The following TNIP3 variants were observed in gnomAD, a reference collection of about 807,000 sequenced individuals.
TNIP3 encodes the protein TNFAIP3 interacting protein 3, also known as TNFAIP3-interacting protein 3.
In TNIP3, 34 loss-of-function variants were observed where a neutral mutation model predicts 54.1. The ratio of observed to expected loss-of-function variants is 0.63; its 90% confidence interval spans 0.48 to 0.84. TNIP3 has a LOEUF of 0.84. Ranked by LOEUF, TNIP3 falls within the 40% of genes least tolerant of loss-of-function variation. The pLI, the probability that TNIP3 is intolerant of heterozygous loss-of-function variation, is 0.00. For missense variants in TNIP3, 366 were observed against 387.6 expected (o/e 0.94, Z 0.47); for synonymous variants, 134 against 136.8 (o/e 0.98, Z 0.14).
intron 3 of TNIP3, among the ~76,000 whole-genome samples, chr4:121,179,597 A>G (rs931209136): frequency 1.3e-5 from 2 of 152,220 alleles, no homozygotes; most frequent in African/African-American, 4.8e-5. Flanking sequence ...CTATGTTGAT[A>G]GAATGAAGAA....
upstream of TNIP3, among the ~76,000 whole-genome samples, chr4:121,220,144 A>G (rs1240474137): frequency 6.6e-6 from 1 of 152,214 alleles, no homozygotes; most frequent in Non-Finnish European, 1.5e-5. Context: ...TTTAGAAATG[A>G]CATTATACCA....
At chr4:121,167,660 A>G (rs1400289933), upstream of TNIP3, among the ~76,000 whole-genome samples, 3 of 152,242 alleles carry the variant, frequency 2.0e-5, no homozygotes, top group Admixed American at 2.0e-4. Flanking sequence ...ACCTTTGGGC[A>G]AAGGAATTAC....
At chr4:121,161,340 T>G in intron 1 of TNIP3, 124 bp from the exon 2 acceptor site, 1 of 748,468 alleles carries the variant, frequency 1.3e-6, no homozygotes, top group Non-Finnish European at 2.1e-6. Flanking sequence ...AATACCTGAT[T>G]CTAGCAGTAA....
chr4:121,201,203 A>G (rs1290420935), intron 2 of TNIP3, among the ~76,000 whole-genome samples: 1 of 152,190 alleles, frequency 6.6e-6, no homozygotes, highest in East Asian at 1.9e-4. Context: ...CAAATGTTCC[A>G]TGAAAGGGGA....
At chr4:121,165,341 C>T (rs1378258563), upstream of TNIP3, among the ~76,000 whole-genome samples, 1 of 151,960 alleles carries the variant, frequency 6.6e-6, no homozygotes, top group Non-Finnish European at 1.5e-5. Context: ...TTCTACGCCC[C>T]TGAGCTCTGT....
intron 2 of TNIP3, among the ~76,000 whole-genome samples, chr4:121,159,259 A>G (rs894096313): frequency 2.0e-5 from 3 of 152,200 alleles, no homozygotes; most frequent in Admixed American, 2.0e-4. Context: ...AGAAAAGAAA[A>G]AAAAGAAAAG....
intron 3 of TNIP3, among the ~76,000 whole-genome samples, chr4:121,174,352 C>CCATG (rs1332742002): frequency 1.3e-5 from 2 of 151,982 alleles, no homozygotes; most frequent in East Asian, 3.9e-4. Context: ...TTATAGTGAG[C>CCATG]CATGATTGCA....
intron 2 of TNIP3, among the ~76,000 whole-genome samples, chr4:121,201,251 G>A (rs1387563654): frequency 1.3e-5 from 2 of 152,074 alleles, no homozygotes; most frequent in African/African-American, 4.8e-5. Context: ...TTTAGTGCTT[G>A]GAAGGACCAC....
At chr4:121,154,786 C>A (rs1378970478) in intron 4 of TNIP3, 107 bp from the exon 5 acceptor site, 12 of 1,056,854 alleles carry the variant, frequency 1.1e-5, no homozygotes, top group Non-Finnish European at 1.6e-5. Flanking sequence ...GAGGGGTCAC[C>A]CTTCTGAAAT....
chr4:121,216,726 G>A (rs527804483), upstream of TNIP3: 3 of 946,856 alleles, frequency 3.2e-6, no homozygotes, highest in South Asian at 5.7e-5. Flanking sequence ...GTAAACACAG[G>A]CTCAGTGAGT....
At chr4:121,216,380 T>C (rs1195237975) in intron 2 of TNIP3, 4 of 1,487,216 alleles carry the variant, frequency 2.7e-6, no homozygotes, top group Non-Finnish European at 3.6e-6. Flanking sequence ...ATATTAGTAT[T>C]AGAAGCATAT....
chr4:121,222,674 C>T (rs1404956691), intron 1 of TNIP3, among the ~76,000 whole-genome samples: 2 of 152,128 alleles, frequency 1.3e-5, no homozygotes, highest in Non-Finnish European at 2.9e-5. Context: ...ATCTTCAAAA[C>T]TCACTGGAAA....
intron 1 of TNIP3, among the ~76,000 whole-genome samples, chr4:121,163,470 A>G (rs1730581163): frequency 6.6e-6 from 1 of 152,172 alleles, no homozygotes; most frequent in Admixed American, 6.5e-5. Context: ...ATTATTCCCT[A>G]TAAAGTAGAA....
chr4:121,176,864 A>T (rs1724389565), intron 3 of TNIP3, among the ~76,000 whole-genome samples: 1 of 152,218 alleles, frequency 6.6e-6, no homozygotes, highest in Non-Finnish European at 1.5e-5. Context: ...CCTTGGGAAG[A>T]GTGTCCAGGT....
chr4:121,180,709 T>C (rs1440957619), intron 3 of TNIP3, among the ~76,000 whole-genome samples: 2 of 152,116 alleles, frequency 1.3e-5, no homozygotes, highest in Non-Finnish European at 2.9e-5. Flanking sequence ...ATGGAGAGAT[T>C]AGAGATACAG....
rs35684713 is a variant in TNIP3, at chr4:121,132,755, C to CAA, written c.947-95_947-94dup. ...AGGCTGACATAAAGTTCCAGGATGG[C>CAA]AAAAAAAAAAAAAAGTTATGTTATA... On this transcript the variant is annotated intron_variant, in intron 10 of 10. Transcript: ENST00000057513. 8.4e-3 allele frequency: 6,557 copies of CAA among 783,374 alleles called. 24 individuals are homozygous for CAA. The highest frequency in any genetic ancestry group is 0.036 in the African/African-American group (1,906 of 52,764). 48.5% of individuals were successfully genotyped at this position (783,374 alleles called of 1,614,324 possible). A position where few individuals can be genotyped will look rare whatever the true frequency, so the allele number is the denominator to read the frequency against.
intron 2 of TNIP3, among the ~76,000 whole-genome samples, chr4:121,191,041 C>T (rs1204167452): frequency 2.0e-5 from 3 of 152,130 alleles, no homozygotes; most frequent in East Asian, 1.9e-4. Context: ...AGCTTAATAG[C>T]ATTTTGGGTC....
chr4:121,213,589 T>A (rs1306910629), intron 2 of TNIP3, among the ~76,000 whole-genome samples: 1 of 151,444 alleles, frequency 6.6e-6, no homozygotes. Context: ...TAGCCGGGCG[T>A]GGTGGCGGGC....
chr4:121,216,895 T>G (rs1309692530), upstream of TNIP3, among the ~76,000 whole-genome samples: 1 of 152,224 alleles, frequency 6.6e-6, no homozygotes, highest in Non-Finnish European at 1.5e-5. Context: ...GAGTGCCTAC[T>G]GACCCCAGGA....
Sources: allele counts gnomAD v4.1 joint callset (sites outside exome capture counted in the v4.1 genomes callset), GRCh38; gene constraint gnomAD v4.1.1; transcripts MANE v1.5; gene names NCBI Gene and HGNC (gene_info 2026-07-23, HGNC 2026-07-21).